Variants in AP1G2 observed in about 807,000 individuals in gnomAD.
AP1G2 encodes AP-1 complex subunit gamma-like 2.
Under a neutral mutation model 95.8 loss-of-function variants are expected in AP1G2, and 85 were observed. The ratio of observed to expected loss-of-function variants is 0.89; its 90% CI spans 0.74 to 1.06. AP1G2 has a LOEUF of 1.06. Ranked by LOEUF, AP1G2 falls within the 50% of genes least tolerant of loss-of-function variation. The pLI, the probability that AP1G2 is intolerant of heterozygous loss-of-function variation, is 0.00. For synonymous variants in AP1G2, 378 were observed against 400.0 expected (o/e 0.94, Z 0.66); for missense variants, 967 against 1,005.8 (o/e 0.96, Z 0.52).
In AP1G2 at chr14:23,567,626, C is replaced by T; in HGVS notation, c.-6+113G>A. ...TACCCCATCCCTAGCTCAGCCATTG[C>T]TTTTTTTTCCACGACCCTCCGCTGT... On this transcript the variant is annotated intron_variant, in intron 1 of 21. Transcript: ENST00000397120. The surrounding 1 kb of genome is among the most constrained non-coding windows in gnomAD (Gnocchi z 5.3). 3.5e-6 allele frequency: 4 copies of T among 1,144,622 alleles called. No individual in the cohort carries two copies. In the South Asian group the frequency reaches 9.2e-5, roughly 26 times the overall value. The allele number at this position is 1,144,622 out of a possible 1,614,324, so 70.9% of individuals were successfully genotyped here.
rs1887182250 is a variant in AP1G2, at chr14:23,565,185, A to G, written c.756T>C (p.Arg252=). ...GGTTCCGGCCCAGGATCCGAAGCAG[A>G]CGAAGTATCTGGACCTGAGGTTGGG... ...SDPFLQVQIL[R]LLRILGRNHE... Residue 252 remains arginine (R), a synonymous_variant, in exon 8 of 22, where the codon CGT becomes CGC. Coordinates refer to ENST00000397120, the MANE Select transcript of AP1G2 (RefSeq NM_003917.5). 2 of 1,614,194 alleles carry G rather than the reference A, an allele frequency of 1.2e-6. No homozygotes were observed. Among genetic ancestry groups the G allele is most frequent in the Non-Finnish European group, 1.7e-6 (2 of 1,180,018 alleles).
In AP1G2 at chr14:23,559,646, G is replaced by T; in HGVS notation, c.*103C>A. 1 of 1,056,700 alleles carries T rather than the reference G, an allele frequency of 9.5e-7. No homozygotes were observed. Among genetic ancestry groups the T allele is most frequent in the Non-Finnish European group, 1.4e-6 (1 of 698,768 alleles). The allele number at this position is 1,056,700 out of a possible 1,614,324, so 65.5% of individuals were successfully genotyped here. A position where few individuals can be genotyped will look rare whatever the true frequency, so the allele number is the denominator to read the frequency against. On this transcript the variant is annotated 3_prime_UTR_variant, in exon 22 of 22. Coordinates refer to ENST00000397120, the MANE Select transcript of AP1G2 (RefSeq NM_003917.5). ...TGGTCCCCAGTTTTTGCAGTGCAAAGCCAGAGCGCCACCTGCTGGTAGCCC... is the reference window on the plus strand; with the variant it reads ...TGGTCCCCAGTTTTTGCAGTGCAAATCCAGAGCGCCACCTGCTGGTAGCCC...
Position 23,567,595 on chromosome 14 carries a change from A to G in AP1G2, c.-6+144T>C, listed in dbSNP as rs1178094746. The G allele has an allele frequency of 4.1e-6, 5 of 1,226,812 alleles. No homozygotes were observed. In the East Asian group the frequency reaches 1.2e-4, roughly 29 times the overall value. 76.0% of individuals were successfully genotyped at this position (1,226,812 alleles called of 1,614,324 possible). ...TTTCTCTCTACCGTTTCCTCCCCCT[A>G]CCTGGTACCCCATCCCTAGCTCAGC... On this transcript the variant is annotated intron_variant, in intron 1 of 21. Transcript: ENST00000397120. The surrounding 1 kb of genome is among the most constrained non-coding windows in gnomAD (Gnocchi z 5.3).
In AP1G2 at chr14:23,563,875, T is replaced by C. The variant is rs376389314; in HGVS notation, c.1092-19A>G. The C allele has an allele frequency of 3.7e-6, 6 of 1,611,464 alleles. No homozygotes were observed. In the African/African-American group the frequency reaches 8.0e-5, roughly 22 times the overall value. ...GGCTCTCCTGGCAGGAGAAAGAGGT[T>C]TCCATGCAGGTAGCCCAGGTCATCC... On this transcript the variant is annotated intron_variant, in intron 11 of 21. Transcript: ENST00000397120.
rs1336435931 is a variant in AP1G2 at position 23,561,434 on chromosome 14, G to C, written c.1858-3C>G. On this transcript the variant is annotated splice_polypyrimidine_tract_variant and splice_region_variant and intron_variant, in intron 18 of 21. Transcript: ENST00000397120. ...AGCAGATCCAGGAGCTGTGAGGCCT[G>C]GCAGAAGGGACAGAAGGGGCAGGGC... 2 of 1,611,776 alleles carry C rather than the reference G, an allele frequency of 1.2e-6. No homozygotes were observed. The highest frequency in any genetic ancestry group is 8.5e-7 in the Non-Finnish European group (1 of 1,178,214).
chr14:23,562,454 C>A (rs776878128), intron 15 of AP1G2, 39 bp from the exon 16 acceptor site: 7 of 1,613,704 alleles, frequency 4.3e-6, no homozygotes, highest in Non-Finnish European at 5.9e-6. Context: ...TGGTGCAAGT[C>A]CTGTCCCCCT....
At position 23,562,406 on chromosome 14, in the gene AP1G2, C is replaced by T. The variant is rs553468910; in HGVS notation, c.1510G>A (p.Glu504Lys). ...TTTTCCAGCAATGCCAGCACTTCCT[C>T]TTCGTCCACCTTCAGACATGGATAC... ...EEIEPLQVDEEEVLALLEKVL... is the reference protein window; with the variant it reads ...EEIEPLQVDEKEVLALLEKVL... Residue 504 changes from glutamate (E) to lysine (K), a missense_variant, in exon 16 of 22, where the codon GAG becomes AAG. Physicochemically the swap from Glu to Lys is moderately conservative, Grantham distance 56. Coordinates refer to ENST00000397120, the MANE Select transcript of AP1G2 (RefSeq NM_003917.5). 1 of 1,614,184 alleles carries T rather than the reference C, an allele frequency of 6.2e-7. No homozygotes were observed. The highest frequency in any genetic ancestry group is 1.1e-5 in the South Asian group (1 of 91,090).
intron 14 of AP1G2, chr14:23,563,135 A>C: frequency 7.1e-7 from 1 of 1,403,088 alleles, no homozygotes; most frequent in African/African-American, 1.4e-5. Context: ...CAGCTCTAAG[A>C]GGCAGTCAGG....
At chr14:23,561,107 A>G in intron 19 of AP1G2, 189 bp downstream of exon 19, 1 of 1,321,894 alleles carries the variant, frequency 7.6e-7, no homozygotes, top group Non-Finnish European at 9.6e-7. Context: ...AGGCCAGGGA[A>G]AGAAGTCTGG....
chr14:23,562,633 T>A (rs1390580732), intron 14 of AP1G2, 40 bp from the exon 15 acceptor site: 1 of 1,592,734 alleles, frequency 6.3e-7, no homozygotes, highest in Admixed American at 1.7e-5. Context: ...CCAGGCATGG[T>A]GGCTCAAGCC....
intron 7 of AP1G2, 145 bp downstream of exon 7, chr14:23,565,460 TG>T: frequency 1.3e-6 from 1 of 780,350 alleles, no homozygotes; most frequent in Non-Finnish European, 2.1e-6. Flanking sequence ...TCACAGGTCC[TG>T]GGATGACCCG....
At position 23,565,843 on chromosome 14, in the gene AP1G2, G is replaced by C. The variant is rs145732620; in HGVS notation, c.618C>G (p.Ser206Arg). 35 of 1,575,292 alleles carry C rather than the reference G, an allele frequency of 2.2e-5. No homozygotes were observed. In the African/African-American group the frequency reaches 4.7e-4, roughly 21 times the overall value. Residue 206 changes from serine to arginine, a missense_variant, in exon 6 of 22, where the codon AGC (serine) becomes AGG (arginine). Transcript: ENST00000397120. ...ITLITELCER[S>R]PAALRHFRKV... ...TTCGGAAGTGCCTGAGGGCTGCAGGGCTTCGTTCGCAGAGCTCCGTGATCA... is the reference window on the plus strand; with the variant it reads ...TTCGGAAGTGCCTGAGGGCTGCAGGCCTTCGTTCGCAGAGCTCCGTGATCA...
chr14:23,561,781 CTGATTTTCAGA>C, intron 17 of AP1G2, 146 bp from the exon 18 acceptor site: 1 of 1,466,138 alleles, frequency 6.8e-7, no homozygotes, highest in Non-Finnish European at 9.0e-7. Flanking sequence ...CATGTTGTTG[CTGATTTTCAGA>C]TGAACAAGGA....
At position 23,565,187 on chromosome 14, in the gene AP1G2, G is replaced by C; in HGVS notation, c.754C>G (p.Arg252Gly). ...TTCCGGCCCAGGATCCGAAGCAGAC[G>C]AAGTATCTGGACCTGAGGTTGGGTT... ...SDPFLQVQILRLLRILGRNHE... is the reference protein window; with the variant it reads ...SDPFLQVQILGLLRILGRNHE... Residue 252 changes from arginine to glycine, a missense_variant, in exon 8 of 22, where the codon CGT (arginine) becomes GGT (glycine). By Grantham distance (125) the Arg-to-Gly change is moderately radical. Transcript: ENST00000397120. The C allele has an allele frequency of 6.2e-7, 1 of 1,614,164 alleles. No individual in the cohort carries two copies. Among genetic ancestry groups the C allele is most frequent in the Non-Finnish European group, 8.5e-7 (1 of 1,180,000 alleles).
chr14:23,561,855 T>C, intron 17 of AP1G2, 107 bp downstream of exon 17: 1 of 1,485,558 alleles, frequency 6.7e-7, no homozygotes, highest in South Asian at 1.3e-5. Context: ...GCTCTCACCG[T>C]GGATATGGAA....
intron 20 of AP1G2, 102 bp downstream of exon 20, chr14:23,560,153 T>C (rs2139045216): frequency 6.7e-7 from 1 of 1,496,340 alleles, no homozygotes; most frequent in East Asian, 2.3e-5. Context: ...GATCTCCAGA[T>C]GACTCAATCC....
intron 3 of AP1G2, 39 bp downstream of exon 3, chr14:23,566,523 C>T (rs887464782): frequency 1.2e-6 from 2 of 1,611,324 alleles, no homozygotes. Flanking sequence ...CCTACTCTCC[C>T]ATCTCCCTGA....
intron 19 of AP1G2, chr14:23,560,703 C>T (rs1436332803): frequency 7.9e-5 from 14 of 177,420 alleles, no homozygotes; most frequent in East Asian, 1.6e-4. Context: ...AGCTTGAACC[C>T]GGGAGGCAGA....
At position 23,564,055 on chromosome 14, in the gene AP1G2, G is replaced by A; in HGVS notation, c.1082C>T (p.Ser361Phe). 1 of 1,614,096 alleles carries A rather than the reference G, an allele frequency of 6.2e-7. No individual in the cohort carries two copies. Among genetic ancestry groups the A allele is most frequent in the South Asian group, 1.1e-5 (1 of 91,048 alleles). Residue 361 changes from serine to phenylalanine, a missense_variant, in exon 11 of 22, where the codon TCC (serine) becomes TTC (phenylalanine). Coordinates refer to ENST00000397120, the MANE Select transcript of AP1G2 (RefSeq NM_003917.5). Reference sequence around the variant, plus strand: ...CTCTATCACTGCTCACCGGCTGAGGGAGGCATCAGTTTCCCGTAGACATTC... The same window carrying A: ...CTCTATCACTGCTCACCGGCTGAGGAAGGCATCAGTTTCCCGTAGACATTC... ...VVECLRETDA[S>F]LSRRALELSL...
Sources: gnomAD v4.1 joint callset for allele counts on GRCh38, gnomAD v4.1.1 for gene constraint, Gnocchi (gnomAD v3.1) non-coding constraint, MANE v1.5 for transcripts, NCBI Gene and HGNC (gene_info 2026-07-23, HGNC 2026-07-21) for gene names.